The following CDH22 variants were observed in gnomAD, a reference collection of about 807,000 sequenced individuals.
CDH22 encodes the protein cadherin-22.
In CDH22, 30 loss-of-function variants were observed where a neutral mutation model predicts 58.4. The observed-to-expected ratio is 0.51, with a 90% CI of 0.38 to 0.70. CDH22 has a LOEUF of 0.70. CDH22 is among the 30% of genes least tolerant of loss of function. CDH22 has a pLI of 0.00. For synonymous variants in CDH22, 513 were observed against 558.2 expected (o/e 0.92, Z 1.14); for missense variants, 1,014 against 1,233.9 (o/e 0.82, Z 2.67).
At chr20:46,275,949 G>A (rs1474811422) in intron 1 of CDH22, among the ~76,000 whole-genome samples, 1 of 151,974 alleles carries the variant, frequency 6.6e-6, no homozygotes, top group African/African-American at 2.4e-5. Flanking sequence ...AAATTGGCCA[G>A]GTGGGGGTGG....
intron 1 of CDH22, among the ~76,000 whole-genome samples, chr20:46,303,275 G>A (rs988697377): frequency 1.3e-5 from 2 of 152,082 alleles, no homozygotes; most frequent in Admixed American, 1.3e-4. Context: ...TGGCATGGAG[G>A]CTGCCTTCTC....
chr20:46,226,432 C>A (rs1213853979), intron 4 of CDH22, among the ~76,000 whole-genome samples: 1 of 151,768 alleles, frequency 6.6e-6, no homozygotes, highest in Non-Finnish European at 1.5e-5. Context: ...ACTAGAGGCA[C>A]CTGTCACTAT....
chr20:46,215,055 G>A (rs2086074033), intron 5 of CDH22, among the ~76,000 whole-genome samples: 1 of 152,248 alleles, frequency 6.6e-6, no homozygotes, highest in Non-Finnish European at 1.5e-5. Flanking sequence ...GAGTCAGTGA[G>A]GATGTGGTAC....
chr20:46,250,895 GC>G (rs2086367208), intron 2 of CDH22, 144 bp downstream of exon 2: 1 of 558,676 alleles, frequency 1.8e-6, no homozygotes, highest in African/African-American at 2.0e-5. Flanking sequence ...GGGGCTCTGG[GC>G]CCCCTTATCA....
intron 4 of CDH22, among the ~76,000 whole-genome samples, chr20:46,226,876 C>T (rs184214029): frequency 6.6e-5 from 10 of 152,318 alleles, no homozygotes; most frequent in African/African-American, 2.2e-4. Context: ...GTCCTCCTCG[C>T]ACTCCCCCAA....
chr20:46,251,401 G>C lies in CDH22; in HGVS notation c.-107C>G. ...CGCCGTGTCACATGGTGGCCTCAGC[G>C]CGGCCGCCGGGATGTCGCCCCCGAC... On this transcript the variant is annotated 5_prime_UTR_variant, in exon 2 of 12. Transcript: ENST00000537909. This position sits in a 1 kb window ranked among gnomAD's most constrained non-coding sequence, Gnocchi z 6.7. 1 of 1,271,690 alleles carries C rather than the reference G, an allele frequency of 7.9e-7. No individual in the cohort carries two copies. The highest frequency in any genetic ancestry group is 1.0e-6 in the Non-Finnish European group (1 of 993,522). The allele number at this position is 1,271,690 out of a possible 1,614,324, so 78.8% of individuals were successfully genotyped here.
Position 46,210,845 on chromosome 20 carries a change from A to G in CDH22, c.1033-285T>C, listed in dbSNP as rs1003672682. On this transcript the variant is annotated intron_variant, in intron 6 of 11. Coordinates refer to ENST00000537909, the MANE Select transcript of CDH22 (RefSeq NM_021248.3). This position sits in a 1 kb window ranked among gnomAD's most constrained non-coding sequence, Gnocchi z 4.5. Reference sequence around the variant, plus strand: ...TGCTTCCCAGCGCAGTGTTGGCGGCATATTTCATTAGTTTAGTTCACGAAC... The same window carrying G: ...TGCTTCCCAGCGCAGTGTTGGCGGCGTATTTCATTAGTTTAGTTCACGAAC... Among the ~76,000 whole-genome samples the G allele has an allele frequency of 2.0e-5, 3 of 152,250 alleles. No homozygotes were observed. The highest frequency in any genetic ancestry group is 4.4e-5 in the Non-Finnish European group (3 of 68,034).
intron 1 of CDH22, among the ~76,000 whole-genome samples, chr20:46,281,219 GC>G (rs2145767444): frequency 6.6e-6 from 1 of 152,330 alleles, no homozygotes; most frequent in Non-Finnish European, 1.5e-5. Flanking sequence ...TGGAAGGGAA[GC>G]CCAGCGGTAG....
At chr20:46,229,439 G>C (rs2086203639) in intron 3 of CDH22, among the ~76,000 whole-genome samples, 1 of 152,126 alleles carries the variant, frequency 6.6e-6, no homozygotes, top group Admixed American at 6.5e-5. Flanking sequence ...CAAGTACAGT[G>C]ACTTTGGGGA....
intron 1 of CDH22, among the ~76,000 whole-genome samples, chr20:46,276,331 A>T (rs1307572638): frequency 6.6e-6 from 1 of 152,166 alleles, no homozygotes; most frequent in African/African-American, 2.4e-5. Flanking sequence ...CTTTTAAAGG[A>T]TCACTTCGGC....
intron 1 of CDH22, among the ~76,000 whole-genome samples, chr20:46,270,793 A>G (rs1374249010): frequency 2.0e-5 from 3 of 152,198 alleles, no homozygotes; most frequent in Admixed American, 2.0e-4. Flanking sequence ...CATCATGTAG[A>G]TGATATTTAA....
intron 8 of CDH22, 89 bp from the exon 9 acceptor site, chr20:46,187,036 T>C (rs2085831654): frequency 7.3e-7 from 1 of 1,366,054 alleles, no homozygotes; most frequent in Non-Finnish European, 9.8e-7. Context: ...TAGTAGGCAG[T>C]GGGGTCATGC....
intron 10 of CDH22, among the ~76,000 whole-genome samples, chr20:46,183,485 G>C (rs2085802910): frequency 6.6e-6 from 1 of 152,218 alleles, no homozygotes; most frequent in Non-Finnish European, 1.5e-5. Context: ...CTGGAGTGCA[G>C]TGGTGCGATC....
chr20:46,225,785 C>T (rs1045273184), intron 4 of CDH22, among the ~76,000 whole-genome samples: 8 of 151,570 alleles, frequency 5.3e-5, no homozygotes, highest in South Asian at 2.1e-4. Flanking sequence ...GAGTGGGAAG[C>T]GTTTCTTTTT....
At chr20:46,306,618 C>T (rs922148966) in intron 1 of CDH22, among the ~76,000 whole-genome samples, 5 of 152,136 alleles carry the variant, frequency 3.3e-5, no homozygotes, top group African/African-American at 1.2e-4. Flanking sequence ...GTGTCCCAGA[C>T]ACTGGGACAA....
chr20:46,222,667 C>T (rs1293139080), intron 4 of CDH22, among the ~76,000 whole-genome samples: 1 of 152,242 alleles, frequency 6.6e-6, no homozygotes, highest in African/African-American at 2.4e-5. Flanking sequence ...CCTGGCCTCC[C>T]CTGCTGTCCC....
chr20:46,266,076 AGC>A (rs2086458205), intron 1 of CDH22, among the ~76,000 whole-genome samples: 1 of 152,000 alleles, frequency 6.6e-6, no homozygotes, highest in African/African-American at 2.4e-5. Flanking sequence ...ATGTGGCTCC[AGC>A]CAGAGGGAGG....
intron 7 of CDH22, among the ~76,000 whole-genome samples, chr20:46,204,435 T>C (rs911780114): frequency 3.5e-5 from 5 of 144,724 alleles, no homozygotes; most frequent in Admixed American, 6.9e-5. Context: ...GAGACAGAGA[T>C]AGTAATACCT....
In CDH22 at chr20:46,188,475, C is replaced by T. The variant is rs189786464; in HGVS notation, c.1424-1528G>A. ...TTTATATCCTACTGCTCAAGGACTTCGCCAAGGTCTGATTGCAAAAATTCA... is the reference window on the plus strand; with the variant it reads ...TTTATATCCTACTGCTCAAGGACTTTGCCAAGGTCTGATTGCAAAAATTCA... On this transcript the variant is annotated intron_variant, in intron 8 of 11. Coordinates refer to ENST00000537909, the MANE Select transcript of CDH22 (RefSeq NM_021248.3). 9.6e-4 allele frequency among the ~76,000 whole-genome samples: 146 copies of T among 152,028 alleles called. 1 individual carries two copies. Among genetic ancestry groups the T allele is most frequent in the African/African-American group, 3.4e-3 (141 of 41,312 alleles).
Sources: allele counts gnomAD v4.1 joint callset (sites outside exome capture counted in the v4.1 genomes callset), GRCh38; gene constraint gnomAD v4.1.1; non-coding constraint Gnocchi (gnomAD v3.1); transcripts MANE v1.5; gene names NCBI Gene and HGNC (gene_info 2026-07-23, HGNC 2026-07-21).